The following ARHGAP15 variants were observed in gnomAD, a reference collection of about 807,000 sequenced individuals.
The protein encoded by ARHGAP15 is Rho GTPase activating protein 15.
ARHGAP15 carries 51 observed loss-of-function variants against 63.7 expected under a neutral mutation model. The ratio of observed to expected loss-of-function variants is 0.80; its 90% confidence interval spans 0.64 to 1.01. The LOEUF is 1.01. Ranked by LOEUF, ARHGAP15 falls within the 50% of genes least tolerant of loss-of-function variation. The pLI is 0.00. For synonymous variants in ARHGAP15, 191 were observed against 193.8 expected, an observed-to-expected ratio of 0.99 and a Z score of 0.12; for missense variants, 560 against 564.6, an observed-to-expected ratio of 0.99 and a Z score of 0.08.
intron 10 of ARHGAP15, among the ~76,000 whole-genome samples, chr2:143,526,301 G>T (rs1196583517): frequency 6.6e-6 from 1 of 152,066 alleles, no homozygotes; most frequent in Non-Finnish European, 1.5e-5. Flanking sequence ...GGTCAAATCA[G>T]TCAGCGGATA....
chr2:143,402,475 A>G (rs1688023232), intron 6 of ARHGAP15, among the ~76,000 whole-genome samples: 1 of 151,624 alleles, frequency 6.6e-6, no homozygotes, highest in African/African-American at 2.4e-5. Context: ...GACAGAGAAA[A>G]CAAAAGAATT....
chr2:143,230,349 T>G (rs955859899), intron 5 of ARHGAP15, among the ~76,000 whole-genome samples: 1 of 152,234 alleles, frequency 6.6e-6, no homozygotes, highest in African/African-American at 2.4e-5. Flanking sequence ...AATTATCAGC[T>G]GTTAAATTTT....
chr2:143,250,178 C>A (rs907523461), intron 5 of ARHGAP15, among the ~76,000 whole-genome samples: 1 of 151,956 alleles, frequency 6.6e-6, no homozygotes, highest in Non-Finnish European at 1.5e-5. Context: ...CATTGAAGAG[C>A]AATATTCCAT....
chr2:143,183,698 T>A (rs1168256399), intron 2 of ARHGAP15, among the ~76,000 whole-genome samples: 5 of 150,496 alleles, frequency 3.3e-5, no homozygotes, highest in Non-Finnish European at 7.4e-5. Flanking sequence ...GAGATTTCTT[T>A]GTTTTGGATT....
At chr2:143,355,299 C>G (rs1685759595) in intron 6 of ARHGAP15, among the ~76,000 whole-genome samples, 1 of 152,056 alleles carries the variant, frequency 6.6e-6, no homozygotes, top group Non-Finnish European at 1.5e-5. Flanking sequence ...GAAAAGACAG[C>G]CTAGACTTTC....
At chr2:143,584,991 T>G (rs1697057569) in intron 11 of ARHGAP15, among the ~76,000 whole-genome samples, 1 of 152,216 alleles carries the variant, frequency 6.6e-6, no homozygotes, top group Non-Finnish European at 1.5e-5. Flanking sequence ...TTAAAACATT[T>G]TCTAAACATA....
intron 10 of ARHGAP15, among the ~76,000 whole-genome samples, chr2:143,551,626 A>G (rs1264646418): frequency 6.6e-6 from 1 of 152,146 alleles, no homozygotes; most frequent in Non-Finnish European, 1.5e-5. Context: ...GTTTTTATGA[A>G]GTCATATAGT....
chr2:143,613,172 T>C (rs1698323463), intron 11 of ARHGAP15, among the ~76,000 whole-genome samples: 1 of 152,156 alleles, frequency 6.6e-6, no homozygotes, highest in African/African-American at 2.4e-5. Flanking sequence ...GTAAAAATCT[T>C]CTAAACAATA....
intron 5 of ARHGAP15, among the ~76,000 whole-genome samples, chr2:143,232,611 C>T (rs912482190): frequency 7.2e-5 from 11 of 152,120 alleles, no homozygotes; most frequent in African/African-American, 2.7e-4. Context: ...ATAAGCACTA[C>T]CCAGGATGAG....
intron 6 of ARHGAP15, among the ~76,000 whole-genome samples, chr2:143,255,151 G>A (rs1248295726): frequency 6.6e-6 from 1 of 152,018 alleles, no homozygotes; most frequent in Non-Finnish European, 1.5e-5. Context: ...CATGCTTTCA[G>A]TAGGATATTT....
chr2:143,203,577 T>G (rs1315824246), intron 3 of ARHGAP15, among the ~76,000 whole-genome samples: 1 of 152,100 alleles, frequency 6.6e-6, no homozygotes, highest in East Asian at 1.9e-4. Flanking sequence ...ACCACCAGTA[T>G]GCAGTATATC....
rs182762671 is a variant in ARHGAP15, at chr2:143,458,950, T to C, written c.703+21908T>C. 3.9e-5 allele frequency among the ~76,000 whole-genome samples: 6 copies of C among 151,982 alleles called. No homozygotes were observed. In the East Asian group the frequency reaches 1.2e-3, roughly 29 times the overall value. On this transcript the variant is annotated intron_variant, in intron 8 of 13. Coordinates refer to ENST00000295095, the MANE Select transcript of ARHGAP15 (RefSeq NM_018460.4). ...TTTGGTACATGATACTAATTTTTTTTCTTCTTAATTTAAGCAACTGACTAG... is the reference window on the plus strand; with the variant it reads ...TTTGGTACATGATACTAATTTTTTTCCTTCTTAATTTAAGCAACTGACTAG...
intron 4 of ARHGAP15, among the ~76,000 whole-genome samples, chr2:143,224,475 G>A (rs1693126900): frequency 6.6e-6 from 1 of 152,100 alleles, no homozygotes; most frequent in South Asian, 2.1e-4. Flanking sequence ...GAGAGAGGTG[G>A]TTTCTATTTC....
chr2:143,626,158 C>T (rs9287353), intron 12 of ARHGAP15, among the ~76,000 whole-genome samples: 39,769 of 151,992 alleles, frequency 0.26, 6,423 homozygotes, highest in Admixed American at 0.35. Flanking sequence ...GGATTGATGG[C>T]TCTTGCAAGG....
chr2:143,721,425 A>G (rs1364148913), intron 13 of ARHGAP15, among the ~76,000 whole-genome samples: 2 of 152,176 alleles, frequency 1.3e-5, no homozygotes, highest in African/African-American at 4.8e-5. Flanking sequence ...GGTAAAGAAC[A>G]TGGTCTCTGA....
At chr2:143,257,520 GC>G (rs1356144390) in intron 6 of ARHGAP15, among the ~76,000 whole-genome samples, 6 of 152,032 alleles carry the variant, frequency 3.9e-5, no homozygotes, top group Non-Finnish European at 1.5e-5. Context: ...TATGAGTTGT[GC>G]AGTTGGAATA....
intron 13 of ARHGAP15, among the ~76,000 whole-genome samples, chr2:143,751,231 A>G (rs1686360222): frequency 6.6e-6 from 1 of 152,170 alleles, no homozygotes; most frequent in Admixed American, 6.5e-5. Flanking sequence ...CTCCGGGAGG[A>G]TGAAGATGGC....
At chr2:143,252,557 T>C (rs1241382810) in intron 6 of ARHGAP15, among the ~76,000 whole-genome samples, 1 of 152,036 alleles carries the variant, frequency 6.6e-6, no homozygotes, top group Non-Finnish European at 1.5e-5. Context: ...TCTTGTACTT[T>C]TAGAGAAACA....
At chr2:143,502,915 C>G (rs564624704) in intron 9 of ARHGAP15, among the ~76,000 whole-genome samples, 1 of 152,300 alleles carries the variant, frequency 6.6e-6, no homozygotes, top group East Asian at 1.9e-4. Flanking sequence ...CCAGATGCAA[C>G]TCTCTGAGAA....
Sources: gnomAD v4.1 joint callset for allele counts (sites outside exome capture counted in the v4.1 genomes callset) on GRCh38, gnomAD v4.1.1 for gene constraint, MANE v1.5 for transcripts, NCBI Gene and HGNC (gene_info 2026-07-23, HGNC 2026-07-21) for gene names.